XKR4: variants seen among roughly 807,000 people sequenced by gnomAD.
The protein encoded by XKR4 is XK related 4.
In XKR4, 12 loss-of-function variants were observed where a neutral mutation model predicts 53.9. The observed-to-expected ratio is 0.22, with a 90% CI of 0.14 to 0.36. The LOEUF (loss-of-function observed/expected upper bound fraction) is 0.36. XKR4 is among the 10% of genes least tolerant of loss of function. XKR4 has a pLI of 1.00. For missense variants in XKR4, 799 were observed against 859.5 expected (o/e 0.93, Z 0.88); for synonymous variants, 354 against 362.4 (o/e 0.98, Z 0.26).
At chr8:55,452,518 A>G (rs570041480) in intron 2 of XKR4, 2 of 656,952 alleles carry the variant, frequency 3.0e-6, no homozygotes, top group South Asian at 3.4e-5. Context: ...TCCTCACCAG[A>G]CAGCAGGTGC....
chr8:55,407,810 A>G (rs1234169856), intron 2 of XKR4, among the ~76,000 whole-genome samples: 2 of 152,196 alleles, frequency 1.3e-5, no homozygotes, highest in East Asian at 1.9e-4. Flanking sequence ...TTTCTTCCAT[A>G]TGGGGATTTT....
intron 2 of XKR4, among the ~76,000 whole-genome samples, chr8:55,469,246 T>C (rs914071198): frequency 6.6e-6 from 1 of 152,140 alleles, no homozygotes; most frequent in Non-Finnish European, 1.5e-5. Flanking sequence ...TCCACAACAC[T>C]GTAGCCAGGT....
At chr8:55,165,735 G>A (rs1817056138) in intron 1 of XKR4, among the ~76,000 whole-genome samples, 1 of 151,050 alleles carries the variant, frequency 6.6e-6, no homozygotes, top group African/African-American at 2.4e-5. Context: ...AATCCGGGAG[G>A]CGGAGCTTGC....
At chr8:55,261,311 C>A (rs961605639) in intron 1 of XKR4, among the ~76,000 whole-genome samples, 3 of 152,156 alleles carry the variant, frequency 2.0e-5, no homozygotes, top group Non-Finnish European at 4.4e-5. Flanking sequence ...CTTCAAAGAC[C>A]TAATATCCTA....
At chr8:55,179,918 T>C (rs1274435579) in intron 1 of XKR4, among the ~76,000 whole-genome samples, 3 of 152,230 alleles carry the variant, frequency 2.0e-5, no homozygotes, top group Non-Finnish European at 4.4e-5. Context: ...CTGGAAAATT[T>C]AGAGAAGTAT....
intron 1 of XKR4, among the ~76,000 whole-genome samples, chr8:55,331,413 G>A (rs1803382616): frequency 6.6e-6 from 1 of 152,194 alleles, no homozygotes; most frequent in African/African-American, 2.4e-5. Context: ...CATTTGAAAA[G>A]AATGTGTATT....
intron 1 of XKR4, among the ~76,000 whole-genome samples, chr8:55,129,668 GGAAGGTAGGAGTCTTCAGTT>G (rs1322207828): frequency 1.3e-5 from 2 of 152,302 alleles, no homozygotes; most frequent in East Asian, 3.9e-4. Context: ...TATAGGTCCA[GGAAGGTAGGAGTCTTCAGTT>G]TACTTTTTCT....
chr8:55,509,706 C>T (rs1806596701), intron 2 of XKR4, among the ~76,000 whole-genome samples: 1 of 152,116 alleles, frequency 6.6e-6, no homozygotes, highest in East Asian at 1.9e-4. Flanking sequence ...TACTCCTGAA[C>T]CTGGAAGCTG....
chr8:55,500,624 C>A (rs972915582), intron 2 of XKR4, among the ~76,000 whole-genome samples: 4 of 152,192 alleles, frequency 2.6e-5, no homozygotes, highest in Non-Finnish European at 4.4e-5. Flanking sequence ...TTGTATGACA[C>A]CATCACTATT....
At chr8:55,157,129 A>T (rs1325825893) in intron 1 of XKR4, among the ~76,000 whole-genome samples, 1 of 152,218 alleles carries the variant, frequency 6.6e-6, no homozygotes, top group Non-Finnish European at 1.5e-5. Context: ...CACCACCTAC[A>T]TGTCTGACTT....
At chr8:55,325,087 T>G (rs1803273886) in intron 1 of XKR4, among the ~76,000 whole-genome samples, 1 of 152,104 alleles carries the variant, frequency 6.6e-6, no homozygotes, top group African/African-American at 2.4e-5. Flanking sequence ...GCCACAAAAT[T>G]TATGTGCCAC....
intron 1 of XKR4, among the ~76,000 whole-genome samples, chr8:55,107,983 C>T (rs952461939): frequency 6.6e-6 from 1 of 152,142 alleles, no homozygotes; most frequent in Non-Finnish European, 1.5e-5. Context: ...AAGGAATCTA[C>T]TCTCTAATAG....
At chr8:55,510,618 C>T (rs1806611782) in intron 2 of XKR4, among the ~76,000 whole-genome samples, 2 of 152,102 alleles carry the variant, frequency 1.3e-5, no homozygotes, top group Admixed American at 1.3e-4. Flanking sequence ...CCCCTCCCAC[C>T]CCACATCTGA....
chr8:55,227,813 A>C (rs1161752692), intron 1 of XKR4, among the ~76,000 whole-genome samples: 4 of 152,256 alleles, frequency 2.6e-5, no homozygotes, highest in Admixed American at 1.3e-4. Context: ...CCTGCTGTGC[A>C]TGGGCATGAC....
At chr8:55,446,883 C>A (rs1805355220) in intron 2 of XKR4, among the ~76,000 whole-genome samples, 1 of 151,986 alleles carries the variant, frequency 6.6e-6, no homozygotes, top group Admixed American at 6.6e-5. Context: ...AAGAGCAAAC[C>A]CTTACAGAAA....
At chr8:55,175,682 G>A (rs919414171) in intron 1 of XKR4, among the ~76,000 whole-genome samples, 10 of 152,248 alleles carry the variant, frequency 6.6e-5, no homozygotes, top group South Asian at 4.1e-4. Flanking sequence ...CATGAGCACC[G>A]TCAGAATAAA....
chr8:55,147,522 A>G (rs1483339338), intron 1 of XKR4, among the ~76,000 whole-genome samples: 2 of 152,216 alleles, frequency 1.3e-5, no homozygotes, highest in Non-Finnish European at 2.9e-5. Flanking sequence ...TTCAGATTCT[A>G]GTTCACATGC....
chr8:55,235,269 C>A (rs1172782682), intron 1 of XKR4, among the ~76,000 whole-genome samples: 1 of 152,176 alleles, frequency 6.6e-6, no homozygotes, highest in Non-Finnish European at 1.5e-5. Context: ...CCTGATCCAG[C>A]GTGATCTCAG....
chr8:55,427,412 T>G (rs1805032746), intron 2 of XKR4, among the ~76,000 whole-genome samples: 1 of 152,192 alleles, frequency 6.6e-6, no homozygotes, highest in Non-Finnish European at 1.5e-5. Context: ...GGTCTCACTA[T>G]GTTGCCCAGG....
Sources: allele counts gnomAD v4.1 joint callset (sites outside exome capture counted in the v4.1 genomes callset), GRCh38; gene constraint gnomAD v4.1.1; transcripts MANE v1.5; gene names NCBI Gene and HGNC (gene_info 2026-07-23, HGNC 2026-07-21).